ZNF343: variants seen among roughly 807,000 people sequenced by gnomAD.
The protein encoded by ZNF343 is zinc finger protein 343.
A neutral mutation model predicts 13.8 loss-of-function variants in ZNF343; 11 were observed. That is an observed-to-expected ratio of 0.80 (90% CI 0.50 to 1.32). ZNF343 has a LOEUF of 1.32. Ranked by LOEUF, ZNF343 falls within the 40% of genes most tolerant of loss-of-function variation. The pLI is 0.00. For missense variants in ZNF343, 658 were observed against 714.2 expected, an observed-to-expected ratio of 0.92 and a Z score of 0.90; for synonymous variants, 248 against 260.0, an observed-to-expected ratio of 0.95 and a Z score of 0.44.
rs569600914 is a variant in ZNF343, at chr20:2,483,596, G to C, written c.1365C>G (p.His455Gln). The C allele has an allele frequency of 6.2e-7, 1 of 1,607,776 alleles. No homozygotes were observed. Among genetic ancestry groups the C allele is most frequent in the Non-Finnish European group, 8.5e-7 (1 of 1,178,306 alleles). ...GFCDKSTLII[H>Q]ERTHSGEKPY... The stretch of plus-strand genomic sequence containing the variant: ...GCTTCTCTCCAGAGTGCGTCCGCTC[G>C]TGTATGATGAGGGTTGACTTGTCAC... The change falls in exon 6 of 6, where the codon CAC becomes CAG. Residue 455 changes from histidine (H) to glutamine (Q), a missense_variant. Physicochemically the swap from His to Gln is conservative, Grantham distance 24 (BLOSUM62 0). Transcript: ENST00000278772.
chr20:2,492,553 C>A, intron 5 of ZNF343, 146 bp downstream of exon 5: 1 of 885,848 alleles, frequency 1.1e-6, no homozygotes, highest in South Asian at 1.6e-5. Flanking sequence ...TCTCCTTACA[C>A]TAGAAAGTAA....
chr20:2,498,567 T>C (rs940131939), intron 2 of ZNF343, among the ~76,000 whole-genome samples: 2 of 152,156 alleles, frequency 1.3e-5, no homozygotes, highest in Non-Finnish European at 2.9e-5. Context: ...GAGTAAGTGG[T>C]AGGGACAAGA....
At position 2,504,431 on chromosome 20, in the gene ZNF343, T is replaced by A. The variant is rs570818228; in HGVS notation, c.-236-3689A>T. ...TTCCAAGCAATAGAAAAAGAAGGAATCCTCCCTAACTCATTTTATGAGGCC... is the reference window on the plus strand; with the variant it reads ...TTCCAAGCAATAGAAAAAGAAGGAAACCTCCCTAACTCATTTTATGAGGCC... On this transcript the variant is annotated intron_variant, in intron 1 of 5. Coordinates refer to ENST00000278772, the MANE Select transcript of ZNF343 (RefSeq NM_024325.6). 2.0e-4 allele frequency among the ~76,000 whole-genome samples: 30 copies of A among 152,204 alleles called. No homozygotes were observed. In the South Asian group the frequency reaches 6.0e-3, roughly 30 times the overall value.
At chr20:2,491,688 T>C (rs1456134773) in intron 5 of ZNF343, among the ~76,000 whole-genome samples, 1 of 152,228 alleles carries the variant, frequency 6.6e-6, no homozygotes, top group African/African-American at 2.4e-5. Flanking sequence ...TCCGTTCACA[T>C]ACTGTTTATG....
At chr20:2,494,747 C>T (rs149182625) in intron 2 of ZNF343, among the ~76,000 whole-genome samples, 189 of 147,972 alleles carry the variant, frequency 1.3e-3, no homozygotes, top group Middle Eastern at 3.5e-3. Flanking sequence ...CTAGCCTGGA[C>T]GGCAGGAGTA....
In ZNF343 at chr20:2,518,347, T is replaced by C. The variant is rs73085373; in HGVS notation, c.-347+6108A>G. On this transcript the variant is annotated intron_variant, in intron 1 of 6. Coordinates refer to the ZNF343 transcript ENST00000358413. The surrounding 1 kb of genome is among the most constrained non-coding windows in gnomAD (Gnocchi z 4.6). ...GATTTATTTCTATTTGGGAGAATTA[T>C]AATGAATCAAAAGCAGTATTCGTGT... Among the ~76,000 whole-genome samples the C allele has an allele frequency of 9.9e-3, 1,502 of 152,328 alleles. 14 individuals are homozygous for C. The highest frequency in any genetic ancestry group is 0.034 in the Middle Eastern group (10 of 294).
At chr20:2,517,366 GTA>G (rs5839957) in intron 1 of ZNF343, among the ~76,000 whole-genome samples, 102,100 of 151,154 alleles carry the variant, frequency 0.68, 35,849 homozygotes, top group African/African-American at 0.87. Flanking sequence ...GTATATGTGT[GTA>G]TATATATATA....
upstream of ZNF343, among the ~76,000 whole-genome samples, chr20:2,509,631 A>G (rs2085725562): frequency 6.6e-6 from 1 of 152,068 alleles, no homozygotes; most frequent in South Asian, 2.1e-4. Flanking sequence ...ACCCCGAGGG[A>G]GGCTGAGGCT....
rs898746121 is a variant in ZNF343 at position 2,490,367 on chromosome 20, G to A, written c.304+2332C>T. 6.6e-5 allele frequency among the ~76,000 whole-genome samples: 10 copies of A among 152,104 alleles called. 1 individual carries two copies. The highest frequency in any genetic ancestry group is 6.3e-3 in the Middle Eastern group (2 of 316). ...GAAGGGAATAGCCCAAAAGAGAGAC[G>A]TCAGAGGCTGGAGACTGCGGAACAT... On this transcript the variant is annotated intron_variant, in intron 5 of 5. Coordinates refer to ENST00000278772, the MANE Select transcript of ZNF343 (RefSeq NM_024325.6).
intron 5 of ZNF343, among the ~76,000 whole-genome samples, chr20:2,487,448 C>T (rs1029534556): frequency 3.9e-5 from 6 of 152,190 alleles, no homozygotes; most frequent in African/African-American, 1.4e-4. Flanking sequence ...TAATTTCTCA[C>T]TTTTAAAAAC....
In ZNF343 at chr20:2,482,899, C is replaced by T; in HGVS notation, c.*262G>A. The T allele has an allele frequency of 2.0e-6, 1 of 492,226 alleles. No individual in the cohort carries two copies. The highest frequency in any genetic ancestry group is 3.6e-6 in the Non-Finnish European group (1 of 277,966). 30.5% of individuals were successfully genotyped at this position (492,226 alleles called of 1,614,324 possible). ...TGCTAAAGCCTTCCCACAGTCCCTA[C>T]ACATAAACTTCTCTCCTAAGTGTGT... On this transcript the variant is annotated 3_prime_UTR_variant, in exon 6 of 6. Transcript: ENST00000278772.
intron 2 of ZNF343, among the ~76,000 whole-genome samples, chr20:2,497,270 T>C (rs2085475657): frequency 6.6e-6 from 1 of 152,108 alleles, no homozygotes; most frequent in African/African-American, 2.4e-5. Flanking sequence ...TAGAGTCATA[T>C]AGATGGATTT....
rs565106132 is a variant in ZNF343 at position 2,518,761 on chromosome 20, T to C, written c.-347+5694A>G. ...CTGTAAACCATTCAGTGCCTACCCT[T>C]GCAGCCCACACCCACTGATAATGGT... On this transcript the variant is annotated intron_variant, in intron 1 of 6. Coordinates refer to the ZNF343 transcript ENST00000358413. The surrounding 1 kb of genome is among the most constrained non-coding windows in gnomAD (Gnocchi z 4.6). Among the ~76,000 whole-genome samples, 3 of 152,286 alleles carry C rather than the reference T, an allele frequency of 2.0e-5. No homozygotes were observed. In the South Asian group the frequency reaches 6.2e-4, roughly 32 times the overall value.
At position 2,484,533 on chromosome 20, in the gene ZNF343, G is replaced by A; in HGVS notation, c.428C>T (p.Pro143Leu). ...LGLCAENHFH[P>L]GNSSPGHWKQ... is the part of the protein sequence containing the mutation. ...CCAATGCCCTGGGCTAGAATTCCCTGGATGGAAGTGATTTTCTGCACATAA... is the reference window on the plus strand; with the variant it reads ...CCAATGCCCTGGGCTAGAATTCCCTAGATGGAAGTGATTTTCTGCACATAA... Residue 143 changes from proline (P) to leucine (L), a missense_variant, in exon 6 of 6, where the codon CCA (proline) becomes CTA (leucine). Physicochemically the swap from Pro to Leu is moderately conservative, Grantham distance 98. Transcript: ENST00000278772. 1 of 1,614,206 alleles carries A rather than the reference G, an allele frequency of 6.2e-7. No individual in the cohort carries two copies. The highest frequency in any genetic ancestry group is 8.5e-7 in the Non-Finnish European group (1 of 1,180,036).
chr20:2,483,689 G>A lies in ZNF343; in HGVS notation c.1272C>T (p.Leu424=), dbSNP rs2085221662. The change falls in exon 6 of 6, where the codon CTC becomes CTT. Residue 424 remains leucine (L), a synonymous_variant. Coordinates refer to ENST00000278772, the MANE Select transcript of ZNF343 (RefSeq NM_024325.6). ...CGRGFSQNSD[L]IKHQRTHLDE... ...CCAAGTGTGTCCTCTGGTGTTTGAT[G>A]AGATCTGAGTTCTGGCTAAAGCCTC... 1.2e-6 allele frequency: 2 copies of A among 1,610,746 alleles called. No homozygotes were observed. The highest frequency in any genetic ancestry group is 1.7e-6 in the Non-Finnish European group (2 of 1,178,542).
At chr20:2,513,359 C>CA (rs1306987949), upstream of ZNF343, among the ~76,000 whole-genome samples, 3 of 151,872 alleles carry the variant, frequency 2.0e-5, no homozygotes. Context: ...AAGAACACAC[C>CA]AAAAAAATGC....
At chr20:2,520,511 T>C (rs1403673699) in intron 1 of ZNF343, among the ~76,000 whole-genome samples, 1 of 152,232 alleles carries the variant, frequency 6.6e-6, no homozygotes, top group Non-Finnish European at 1.5e-5. Context: ...GTGCTACCTA[T>C]GCCTAGCTAC....
intron 5 of ZNF343, chr20:2,491,836 C>A (rs1600046388): frequency 6.6e-6 from 1 of 151,898 alleles, no homozygotes; most frequent in Non-Finnish European, 1.5e-5. Flanking sequence ...ATTTATCAAC[C>A]CAGATTTAAA....
chr20:2,484,777 C>T lies in ZNF343; in HGVS notation c.305-121G>A, dbSNP rs540455777. ...TATAATTGATAATATAAGTATAACA[C>T]AATTTGCTTCTGAACAATGATTCCT... is the stretch of plus-strand genomic sequence containing the variant. On this transcript the variant is annotated intron_variant, in intron 5 of 5. Transcript: ENST00000278772. 7.8e-4 allele frequency: 678 copies of T among 869,268 alleles called. 1 individual carries two copies. The highest frequency in any genetic ancestry group is 1.0e-3 in the Non-Finnish European group (580 of 582,330). The allele number at this position is 869,268 out of a possible 1,614,324, so 53.8% of individuals were successfully genotyped here.
Sources: allele counts gnomAD v4.1 joint callset (sites outside exome capture counted in the v4.1 genomes callset), GRCh38; gene constraint gnomAD v4.1.1; non-coding constraint Gnocchi (gnomAD v3.1); transcripts MANE v1.5; gene names NCBI Gene and HGNC (gene_info 2026-07-23, HGNC 2026-07-21).